Variants in PLCG2 observed in about 807,000 individuals in gnomAD.
The protein encoded by PLCG2 is 1-phosphatidylinositol 4,5-bisphosphate phosphodiesterase gamma-2.
A neutral mutation model predicts 175.6 loss-of-function variants in PLCG2; 69 were observed. That is an observed-to-expected ratio of 0.39 (90% CI 0.32 to 0.48). The LOEUF is 0.48. Ranked by LOEUF, PLCG2 falls within the 20% of genes least tolerant of loss-of-function variation. PLCG2 has a pLI of 0.91. For synonymous variants in PLCG2, 827 were observed against 624.0 expected, an observed-to-expected ratio of 1.33 and a Z score of -4.85; for missense variants, 1,798 against 1,650.9, an observed-to-expected ratio of 1.09 and a Z score of -1.54.
chr16:81,922,749 A>C (rs927661733), intron 21 of PLCG2, among the ~76,000 whole-genome samples: 2 of 152,234 alleles, frequency 1.3e-5, no homozygotes, highest in Non-Finnish European at 2.9e-5. Context: ...TCATTTAAAC[A>C]GGTTTGACAA....
At chr16:81,835,792 C>A (rs1247476695) in intron 2 of PLCG2, among the ~76,000 whole-genome samples, 1 of 152,112 alleles carries the variant, frequency 6.6e-6, no homozygotes, top group East Asian at 1.9e-4. Context: ...GCTGGAGGCT[C>A]TAGGGGAGGA....
chr16:81,814,992 T>A (rs1359818627), intron 2 of PLCG2, among the ~76,000 whole-genome samples: 1 of 152,242 alleles, frequency 6.6e-6, no homozygotes, highest in Non-Finnish European at 1.5e-5. Context: ...GTTACTTTTA[T>A]TATTATCAGG....
chr16:81,942,873 C>T (rs1167867465), intron 30 of PLCG2, among the ~76,000 whole-genome samples: 1 of 151,606 alleles, frequency 6.6e-6, no homozygotes, highest in Non-Finnish European at 1.5e-5. Flanking sequence ...CTGTATTTCC[C>T]TTTCCCCAGT....
chr16:81,823,981 CTTCTTTTTCTGT>C (rs1219366334), intron 2 of PLCG2, among the ~76,000 whole-genome samples: 1 of 135,022 alleles, frequency 7.4e-6, no homozygotes, highest in Non-Finnish European at 1.6e-5. Context: ...CCTTCTTTTC[CTTCTTTTTCTGT>C]TTCTTTTTCT....
At chr16:81,887,494 A>G (rs1181855401) in intron 9 of PLCG2, among the ~76,000 whole-genome samples, 4 of 152,150 alleles carry the variant, frequency 2.6e-5, no homozygotes, top group East Asian at 3.9e-4. Context: ...TCTGTATTCA[A>G]ATGAGCTTGT....
rs1246863233 is a variant in PLCG2 at position 81,843,038 on chromosome 16, G to T, written c.194-11406G>T. 2.6e-5 allele frequency among the ~76,000 whole-genome samples: 4 copies of T among 151,500 alleles called. No individual in the cohort carries two copies. In the East Asian group the frequency reaches 5.8e-4, roughly 22 times the overall value. On this transcript the variant is annotated intron_variant, in intron 2 of 32. Coordinates refer to ENST00000564138, the MANE Select transcript of PLCG2 (RefSeq NM_002661.5). Reference sequence around the variant, plus strand: ...GGAAGACCCGAGGTGATGCTGGGAAGGGGGTGGGGTTGTGCAAAGATGAAG... The same window carrying T: ...GGAAGACCCGAGGTGATGCTGGGAATGGGGTGGGGTTGTGCAAAGATGAAG...
chr16:81,745,925 ACT>A (rs1343491924), intron 1 of PLCG2, among the ~76,000 whole-genome samples: 1 of 151,764 alleles, frequency 6.6e-6, no homozygotes, highest in African/African-American at 2.4e-5. Flanking sequence ...GAACGACCTG[ACT>A]CTCTGTAGGG....
At chr16:81,926,596 T>C (rs1238502219) in intron 22 of PLCG2, among the ~76,000 whole-genome samples, 2 of 152,198 alleles carry the variant, frequency 1.3e-5, no homozygotes, top group Admixed American at 6.5e-5. Flanking sequence ...CTTATGTTAA[T>C]TTAGAGTCCT....
At position 81,959,110 on chromosome 16, in the gene PLCG2, T is replaced by G. The variant is rs56306585; in HGVS notation, c.*1112T>G. On this transcript the variant is annotated 3_prime_UTR_variant, in exon 33 of 33. Coordinates refer to ENST00000564138, the MANE Select transcript of PLCG2 (RefSeq NM_002661.5). ...TATGGCTTTTTAAAGGAGAGGAGAG[T>G]GCTGGGTTGGGAAGGGAGGTGGTTG... The G allele has an allele frequency of 0.04, 8,873 of 223,224 alleles. 231 individuals carry two copies. Among genetic ancestry groups the G allele is most frequent in the African/African-American group, 0.071 (3,185 of 44,706 alleles). 13.8% of individuals were successfully genotyped at this position (223,224 alleles called of 1,614,324 possible).
intron 1 of PLCG2, among the ~76,000 whole-genome samples, chr16:81,740,797 T>TCCCACTGTGGGTGCAGAGG (rs1216668325): frequency 2.1e-5 from 3 of 141,682 alleles, no homozygotes; most frequent in Non-Finnish European, 4.5e-5. Context: ...AGCTTCCTCT[T>TCCCACTGTGGGTGCAGAGG]CCCACTGTGG....
At chr16:81,808,787 C>G (rs1904294074) in intron 2 of PLCG2, among the ~76,000 whole-genome samples, 1 of 152,224 alleles carries the variant, frequency 6.6e-6, no homozygotes, top group Admixed American at 6.5e-5. Flanking sequence ...GCCACCTCAC[C>G]TGGCCACCAC....
chr16:81,813,947 G>C (rs770874052), intron 2 of PLCG2, among the ~76,000 whole-genome samples: 1 of 152,232 alleles, frequency 6.6e-6, no homozygotes, highest in Non-Finnish European at 1.5e-5. Flanking sequence ...CTGTTGATGG[G>C]AAGAAGTTTG....
chr16:81,914,267 C>G (rs1201126265), intron 19 of PLCG2, among the ~76,000 whole-genome samples: 1 of 152,232 alleles, frequency 6.6e-6, no homozygotes, highest in Non-Finnish European at 1.5e-5. Context: ...CGGGGCCTCA[C>G]CTGATGATGG....
chr16:81,817,904 G>A (rs1292783766), intron 2 of PLCG2, among the ~76,000 whole-genome samples: 2 of 152,234 alleles, frequency 1.3e-5, no homozygotes, highest in East Asian at 1.9e-4. Flanking sequence ...GTTCCTTACT[G>A]TTTCGGGGAG....
chr16:81,792,351 A>C (rs1911269828), intron 2 of PLCG2, among the ~76,000 whole-genome samples: 1 of 151,964 alleles, frequency 6.6e-6, no homozygotes, highest in African/African-American at 2.4e-5. Context: ...GTGTAGTGGC[A>C]CATGCCTGTA....
Position 81,908,421 on chromosome 16 carries a change from ACC to A in PLCG2, c.1567_1568del (p.Pro523TyrfsTer49). 2.5e-6 allele frequency: 4 copies of A among 1,613,490 alleles called. No homozygotes were observed. The highest frequency in any genetic ancestry group is 3.4e-6 in the Non-Finnish European group (4 of 1,179,748). On this transcript the variant is annotated frameshift_variant, in exon 17 of 33. Transcript: ENST00000564138. LOFTEE classifies it high-confidence loss of function. Reference sequence around the variant, plus strand: ...CTCCTCTCTTTGCGGCCCAGGATATACCCCCTACAGAACTACATTTTGGGGAG... The same window carrying A: ...CTCCTCTCTTTGCGGCCCAGGATATACCCTACAGAACTACATTTTGGGGAG... ...TMEEEVPQDI[P>X]PTELHFGEKW...
intron 2 of PLCG2, among the ~76,000 whole-genome samples, chr16:81,811,918 G>A (rs1447240255): frequency 6.6e-6 from 1 of 151,952 alleles, no homozygotes; most frequent in Non-Finnish European, 1.5e-5. Context: ...TGGTATTTCT[G>A]GTGCTAGATC....
intron 2 of PLCG2, among the ~76,000 whole-genome samples, chr16:81,845,252 C>G (rs1906053816): frequency 6.6e-6 from 1 of 152,268 alleles, no homozygotes; most frequent in Non-Finnish European, 1.5e-5. Flanking sequence ...CGTGTTATTT[C>G]TTATGCCTTA....
chr16:81,953,779 C>CAT (rs970187815), intron 31 of PLCG2, among the ~76,000 whole-genome samples: 2 of 152,112 alleles, frequency 1.3e-5, no homozygotes, highest in Non-Finnish European at 2.9e-5. Context: ...CATTATATCT[C>CAT]ATATATATAC....
Sources: gnomAD v4.1 joint callset for allele counts (sites outside exome capture counted in the v4.1 genomes callset) on GRCh38, gnomAD v4.1.1 for gene constraint, MANE v1.5 for transcripts, NCBI Gene and HGNC (gene_info 2026-07-23, HGNC 2026-07-21) for gene names.